FRMD4A: variants seen among roughly 807,000 people sequenced by gnomAD.
FRMD4A encodes FERM domain-containing protein 4A.
A neutral mutation model predicts 129.1 loss-of-function variants in FRMD4A; 29 were observed. The observed-to-expected ratio is 0.22, with a 90% CI of 0.17 to 0.31. The LOEUF is 0.31. Among genes scored for constraint, FRMD4A ranks in the 10% least tolerant of loss-of-function variants. The pLI, the probability that FRMD4A is intolerant of heterozygous loss-of-function variation, is 1.00. For synonymous variants in FRMD4A, 634 were observed against 571.6 expected (o/e 1.11, Z -1.56); for missense variants, 1,272 against 1,375.8 (o/e 0.92, Z 1.19).
At chr10:13,739,006 G>A (rs1046188251) in intron 11 of FRMD4A, among the ~76,000 whole-genome samples, 1 of 152,122 alleles carries the variant, frequency 6.6e-6, no homozygotes, top group Non-Finnish European at 1.5e-5. Flanking sequence ...GTTAATTAGA[G>A]CCCCCAGAAG....
chr10:13,687,182 C>A (rs1589375974), intron 15 of FRMD4A, among the ~76,000 whole-genome samples: 1 of 152,182 alleles, frequency 6.6e-6, no homozygotes, highest in Non-Finnish European at 1.5e-5. Flanking sequence ...GTAGTCCCAG[C>A]TGCTCAGGAG....
At chr10:14,229,490 AT>A (rs1299278502) in intron 2 of FRMD4A, among the ~76,000 whole-genome samples, 3 of 152,144 alleles carry the variant, frequency 2.0e-5, no homozygotes, top group African/African-American at 4.8e-5. Context: ...ATGTACTCTT[AT>A]GATTTGAGCA....
At chr10:14,107,604 A>T (rs1168820339) in intron 2 of FRMD4A, among the ~76,000 whole-genome samples, 1 of 152,186 alleles carries the variant, frequency 6.6e-6, no homozygotes, top group Non-Finnish European at 1.5e-5. Context: ...GGTACCAGTT[A>T]ACCATTCTGT....
At chr10:14,264,856 A>G (rs1405033583) in intron 2 of FRMD4A, among the ~76,000 whole-genome samples, 1 of 152,018 alleles carries the variant, frequency 6.6e-6, no homozygotes, top group African/African-American at 2.4e-5. Context: ...ATCGCGGCTC[A>G]CTGCAATCTC....
intron 2 of FRMD4A, among the ~76,000 whole-genome samples, chr10:14,052,869 G>A (rs909862134): frequency 1.3e-5 from 2 of 152,044 alleles, no homozygotes; most frequent in Admixed American, 6.6e-5. Flanking sequence ...CAGCCACCAG[G>A]CTCTTTTTTA....
rs35600004 is a variant in FRMD4A at position 13,958,600 on chromosome 10, CT to C, written c.46-99689del. Among the ~76,000 whole-genome samples, 280 of 134,160 alleles carry C rather than the reference CT, an allele frequency of 2.1e-3. 1 individual carries two copies. Among genetic ancestry groups the C allele is most frequent in the African/African-American group, 6.0e-3 (212 of 35,252 alleles). The allele number at this position is 134,160 out of a possible 152,430, so 88.0% of individuals were successfully genotyped here. ...ACCCGACCAGTGTCTTTCTTTCTTT[CT>C]TTTTTTTTTTCCCCGCTCTTCTTGC... On this transcript the variant is annotated intron_variant, in intron 2 of 24. Transcript: ENST00000357447.
chr10:14,262,340 T>C (rs979196720), intron 2 of FRMD4A, among the ~76,000 whole-genome samples: 4 of 152,208 alleles, frequency 2.6e-5, no homozygotes, highest in African/African-American at 4.8e-5. Context: ...TTCTGTACCA[T>C]GGGGATGGCG....
chr10:13,899,512 G>A (rs546624702), intron 2 of FRMD4A, among the ~76,000 whole-genome samples: 4 of 152,242 alleles, frequency 2.6e-5, no homozygotes, highest in Non-Finnish European at 5.9e-5. Flanking sequence ...AGGTGAAGTG[G>A]GCCAGGTGTG....
intron 2 of FRMD4A, among the ~76,000 whole-genome samples, chr10:13,900,654 T>C (rs189199175): frequency 6.6e-6 from 1 of 152,272 alleles, no homozygotes; most frequent in African/African-American, 2.4e-5. Flanking sequence ...CCCGGGACTT[T>C]GGGAGGTCGA....
intron 21 of FRMD4A, among the ~76,000 whole-genome samples, chr10:13,658,608 C>T (rs1218009525): frequency 2.6e-5 from 4 of 152,142 alleles, no homozygotes; most frequent in Non-Finnish European, 5.9e-5. Context: ...TGGCTAGGAG[C>T]GGTGGCTCAC....
At chr10:14,162,650 T>C (rs1021544737) in intron 2 of FRMD4A, among the ~76,000 whole-genome samples, 1 of 150,980 alleles carries the variant, frequency 6.6e-6, no homozygotes, top group African/African-American at 2.4e-5. Flanking sequence ...TGTTTTTTTT[T>C]TTTTTTTTTG....
chr10:13,810,915 G>A lies in FRMD4A; in HGVS notation c.112-7C>T, dbSNP rs150076465. 790 of 1,492,754 alleles carry A rather than the reference G, an allele frequency of 5.3e-4. 6 individuals carry two copies. In the East Asian group the frequency reaches 0.015, roughly 28 times the overall value. The allele number at this position is 1,492,754 out of a possible 1,614,324, so 92.5% of individuals were successfully genotyped here. ...CCTTGGCCAACAGCTTGGGCTGCAA[G>A]AAGAATACAATGGAAGAAGGGTAAG... On this transcript the variant is annotated splice_region_variant and splice_polypyrimidine_tract_variant and intron_variant, in intron 3 of 24. Coordinates refer to ENST00000357447, the MANE Select transcript of FRMD4A (RefSeq NM_018027.5).
At chr10:13,964,231 T>TCAAA (rs1281794943) in intron 2 of FRMD4A, among the ~76,000 whole-genome samples, 3 of 149,602 alleles carry the variant, frequency 2.0e-5, no homozygotes, top group South Asian at 2.1e-4. Flanking sequence ...ACAAAAAACA[T>TCAAA]CAAACAAACA....
chr10:13,730,849 A>C (rs1402123874), intron 12 of FRMD4A, among the ~76,000 whole-genome samples: 4 of 131,566 alleles, frequency 3.0e-5, no homozygotes, highest in Non-Finnish European at 4.8e-5. Flanking sequence ...CCCAGTCTCT[A>C]CTAAAAATAC....
intron 2 of FRMD4A, among the ~76,000 whole-genome samples, chr10:14,017,428 G>T (rs1342925739): frequency 2.4e-4 from 37 of 152,208 alleles, no homozygotes; most frequent in Admixed American, 2.4e-3. Flanking sequence ...GGTATTGACT[G>T]CCCAGGATTC....
chr10:14,144,377 T>C (rs1242878058), intron 2 of FRMD4A, among the ~76,000 whole-genome samples: 1 of 152,162 alleles, frequency 6.6e-6, no homozygotes, highest in Non-Finnish European at 1.5e-5. Flanking sequence ...ATCCGAAGAA[T>C]TCTTGCTTGT....
Position 13,702,874 on chromosome 10 carries a change from C to T in FRMD4A, c.837-1396G>A, listed in dbSNP as rs865956202. Among the ~76,000 whole-genome samples the T allele has an allele frequency of 5.6e-5, 8 of 143,496 alleles. 1 individual carries two copies. Among genetic ancestry groups the T allele is most frequent in the African/African-American group, 1.1e-4 (4 of 37,794 alleles). 94.1% of individuals were successfully genotyped at this position (143,496 alleles called of 152,430 possible). On this transcript the variant is annotated intron_variant, in intron 13 of 24. Coordinates refer to ENST00000357447, the MANE Select transcript of FRMD4A (RefSeq NM_018027.5). ...CCGGTGGTTAATGTTACTGAGTCCA[C>T]ACAGGTTTTTTCTCCCTTCGGTTCC... is the stretch of plus-strand genomic sequence containing the variant.
intron 22 of FRMD4A, chr10:13,654,796 G>A (rs74123083): frequency 0.031 from 14,506 of 473,396 alleles, 1,091 homozygotes; most frequent in African/African-American, 0.19. Flanking sequence ...CTAGGTCCCC[G>A]CTTTGCCACC....
chr10:14,309,941 C>G (rs71479869), intron 2 of FRMD4A, among the ~76,000 whole-genome samples: 1 of 152,074 alleles, frequency 6.6e-6, no homozygotes, highest in Non-Finnish European at 1.5e-5. Context: ...CTGCACCCTC[C>G]CCGCATTCCC....
Sources: allele counts gnomAD v4.1 joint callset (sites outside exome capture counted in the v4.1 genomes callset), GRCh38; gene constraint gnomAD v4.1.1; transcripts MANE v1.5; gene names NCBI Gene and HGNC (gene_info 2026-07-23, HGNC 2026-07-21).